The following ABCA12 variants were observed in gnomAD, a reference collection of about 807,000 sequenced individuals.
ABCA12 encodes the protein glucosylceramide transporter ABCA12.
Under a neutral mutation model 293.5 loss-of-function variants are expected in ABCA12, and 156 were observed. That is an observed-to-expected ratio of 0.53 (90% CI 0.47 to 0.61). The LOEUF is 0.61. ABCA12 is among the 20% of genes least tolerant of loss of function. The pLI is 0.00. For missense variants in ABCA12, 2,797 were observed against 3,090.2 expected, an observed-to-expected ratio of 0.91 and a Z score of 2.25; for synonymous variants, 1,063 against 1,108.0, an observed-to-expected ratio of 0.96 and a Z score of 0.81.
intron 19 of ABCA12, among the ~76,000 whole-genome samples, chr2:215,007,249 G>A (rs190691714): frequency 2.0e-5 from 3 of 152,212 alleles, no homozygotes; most frequent in East Asian, 3.9e-4. Flanking sequence ...ATACGTTAAC[G>A]AGAACACCTT....
At position 215,015,670 on chromosome 2, in the gene ABCA12, A is replaced by G; in HGVS notation, c.1783-7T>C. 1 of 1,613,280 alleles carries G rather than the reference A, an allele frequency of 6.2e-7. No individual in the cohort carries two copies. On this transcript the variant is annotated splice_region_variant and splice_polypyrimidine_tract_variant and intron_variant, in intron 14 of 52. Coordinates refer to ENST00000272895, the MANE Select transcript of ABCA12 (RefSeq NM_173076.3). ...AGAACACCTGAGAAATAATCTGCAA[A>G]TGGAGGAAGAAAAATATTTCAACTG...
rs759811823 is a variant in ABCA12 at position 214,966,920 on chromosome 2, G to A, written c.5812C>T (p.Pro1938Ser). The A allele has an allele frequency of 9.5e-5, 154 of 1,613,714 alleles. No individual in the cohort carries two copies. Among genetic ancestry groups the A allele is most frequent in the Non-Finnish European group, 1.2e-4 (142 of 1,179,806 alleles). ...TTATTCAGGCTGTTGAGGTAAGCTG[G>A]AAGGGAGTGATAGCCTTCTGGATCA... is the stretch of plus-strand genomic sequence containing the variant. ...WYDPEGYHSL[P>S]AYLNSLNNFL... is the part of the protein sequence containing the mutation. The change falls in exon 39 of 53, where the codon CCA becomes TCA. Residue 1938 changes from proline to serine, a missense_variant. Pro to Ser is a moderately conservative substitution (Grantham distance 74). Coordinates refer to ENST00000272895, the MANE Select transcript of ABCA12 (RefSeq NM_173076.3).
chr2:215,091,636 A>G (rs1412366986), intron 2 of ABCA12, among the ~76,000 whole-genome samples: 1 of 152,172 alleles, frequency 6.6e-6, no homozygotes, highest in Non-Finnish European at 1.5e-5. Context: ...AGCTCCAAAA[A>G]TTAAATTCTG....
At chr2:214,977,667 C>T (rs1358087201) in intron 33 of ABCA12, among the ~76,000 whole-genome samples, 3 of 152,096 alleles carry the variant, frequency 2.0e-5, no homozygotes, top group East Asian at 1.9e-4. Context: ...CCCACAAAGT[C>T]GTGTCAAGCA....
At chr2:215,042,392 A>G (rs562720092) in intron 7 of ABCA12, 1 of 152,184 alleles carries the variant, frequency 6.6e-6, no homozygotes, top group African/African-American at 2.4e-5. Flanking sequence ...ATGCACTACC[A>G]TGCCCAGCTA....
chr2:215,116,616 A>G (rs1295811378), intron 1 of ABCA12, among the ~76,000 whole-genome samples: 2 of 152,188 alleles, frequency 1.3e-5, no homozygotes, highest in Admixed American at 1.3e-4. Context: ...CCATGAATCT[A>G]TGCTGATGGA....
chr2:215,076,626 T>C (rs1701839876), intron 2 of ABCA12, among the ~76,000 whole-genome samples: 1 of 152,168 alleles, frequency 6.6e-6, no homozygotes, highest in African/African-American at 2.4e-5. Context: ...TTTAAAAATG[T>C]GCCTAAGTCT....
chr2:215,035,523 G>C (rs1700972536), intron 8 of ABCA12, among the ~76,000 whole-genome samples: 1 of 151,840 alleles, frequency 6.6e-6, no homozygotes, highest in Non-Finnish European at 1.5e-5. Context: ...CAAAAAAGTA[G>C]CCGGGCGTGG....
chr2:214,989,611 G>A lies in ABCA12; in HGVS notation c.3635C>T (p.Ser1212Phe). Residue 1212 changes from serine to phenylalanine, a missense_variant, in exon 25 of 53, where the codon TCC becomes TTC. Ser to Phe is a radical substitution (Grantham distance 155). This residue lies in a region of ABCA12 where 2,130 missense variants were observed against 2,427.0 expected (regional missense o/e 0.88). Coordinates refer to ENST00000272895, the MANE Select transcript of ABCA12 (RefSeq NM_173076.3). The part of the protein sequence containing the change: ...YVLKVFMSLL[S>F]PTAFSYASQY... ...GCTTGCATAGCTGAATGCTGTTGGG[G>A]ACAGCAGGCTCTGTGAAGAAAGGAA... 6.2e-7 allele frequency: 1 copy of A among 1,613,932 alleles called. No homozygotes were observed. Among genetic ancestry groups the A allele is most frequent in the Non-Finnish European group, 8.5e-7 (1 of 1,179,914 alleles).
intron 30 of ABCA12, 102 bp downstream of exon 30, chr2:214,982,085 T>C: frequency 8.1e-7 from 1 of 1,229,760 alleles, no homozygotes. Context: ...GTGCTGGGAT[T>C]ATAGGCGTGA....
chr2:215,024,890 A>C (rs1700705145), intron 11 of ABCA12, among the ~76,000 whole-genome samples: 1 of 152,206 alleles, frequency 6.6e-6, no homozygotes, highest in Admixed American at 6.5e-5. Flanking sequence ...GATAAAGAAT[A>C]ATAGACAAAT....
At chr2:214,965,148 A>G (rs769511056) in intron 39 of ABCA12, among the ~76,000 whole-genome samples, 12 of 152,164 alleles carry the variant, frequency 7.9e-5, no homozygotes, top group Non-Finnish European at 1.8e-4. Context: ...TATTTAATAA[A>G]TGATGCTGGG....
intron 26 of ABCA12, 131 bp downstream of exon 26, chr2:214,989,198 A>ATATTATATATATATAT (rs1243356557): frequency 7.0e-6 from 1 of 142,132 alleles, no homozygotes; most frequent in African/African-American, 2.7e-5. Context: ...ATATATATAT[A>ATATTATATATATATAT]TATATATATA....
intron 1 of ABCA12, among the ~76,000 whole-genome samples, chr2:215,118,855 ATTAT>A (rs1702742115): frequency 6.6e-6 from 1 of 151,912 alleles, no homozygotes; most frequent in South Asian, 2.1e-4. Flanking sequence ...TTTAAATGGG[ATTAT>A]TTGTTTTTTG....
Position 214,991,775 on chromosome 2 carries a change from G to A in ABCA12, c.3295-744C>T, listed in dbSNP as rs146151031. ...CAGTGATATCCCCAGAGGCCAAGGC[G>A]TTCCACAAGGTAGAAAAATAAACAA... On this transcript the variant is annotated intron_variant, in intron 23 of 52. Coordinates refer to ENST00000272895, the MANE Select transcript of ABCA12 (RefSeq NM_173076.3). 3.1e-3 allele frequency among the ~76,000 whole-genome samples: 476 copies of A among 152,234 alleles called. 1 individual carries two copies. The highest frequency in any genetic ancestry group is 0.011 in the African/African-American group (449 of 41,540).
chr2:215,118,673 C>G (rs1034898637), intron 1 of ABCA12, among the ~76,000 whole-genome samples: 1 of 151,880 alleles, frequency 6.6e-6, no homozygotes, highest in Non-Finnish European at 1.5e-5. Flanking sequence ...ATGTACCAGA[C>G]AGTGGGGATA....
intron 2 of ABCA12, among the ~76,000 whole-genome samples, chr2:215,076,305 A>G (rs1701832079): frequency 6.6e-6 from 1 of 152,230 alleles, no homozygotes; most frequent in Non-Finnish European, 1.5e-5. Context: ...CATTAAGGGG[A>G]AAAATAGCAG....
At chr2:215,127,716 C>A (rs1328303171) in intron 1 of ABCA12, among the ~76,000 whole-genome samples, 1 of 152,104 alleles carries the variant, frequency 6.6e-6, no homozygotes, top group Non-Finnish European at 1.5e-5. Context: ...CTGAAGGCAG[C>A]AGATGTTGGT....
At chr2:214,952,207 T>G (rs1486161456) in intron 44 of ABCA12, among the ~76,000 whole-genome samples, 1 of 144,546 alleles carries the variant, frequency 6.9e-6, no homozygotes, top group Non-Finnish European at 1.5e-5. Context: ...ATACTGGAAA[T>G]GCCTTTTTTT....
Sources: allele counts gnomAD v4.1 joint callset (sites outside exome capture counted in the v4.1 genomes callset), GRCh38; gene constraint gnomAD v4.1.1; regional missense constraint gnomAD v4.1.1; transcripts MANE v1.5; gene names NCBI Gene and HGNC (gene_info 2026-07-23, HGNC 2026-07-21).